Variants in DLGAP1 observed in about 807,000 individuals in gnomAD.
The protein encoded by DLGAP1 is DLG associated protein 1.
In DLGAP1, 11 loss-of-function variants were observed where a neutral mutation model predicts 90.8. The ratio of observed to expected loss-of-function variants is 0.12; its 90% confidence interval spans 0.08 to 0.20. The LOEUF (loss-of-function observed/expected upper bound fraction) is 0.20, where lower values mean the gene tolerates loss of function less well. Ranked by LOEUF, DLGAP1 falls within the 10% of genes least tolerant of loss-of-function variation. DLGAP1 has a pLI of 1.00. For missense variants in DLGAP1, 1,050 were observed against 1,333.8 expected (o/e 0.79, Z 3.31); for synonymous variants, 558 against 540.7 (o/e 1.03, Z -0.44).
intron 5 of DLGAP1, 97 bp from the exon 6 acceptor site, chr18:3,742,609 A>G (rs1453963540): frequency 1.3e-5 from 18 of 1,385,066 alleles, no homozygotes; most frequent in Non-Finnish European, 1.8e-5. Flanking sequence ...CACCCTAAAT[A>G]CTGGGACAAA....
intron 3 of DLGAP1, among the ~76,000 whole-genome samples, chr18:3,917,827 G>A (rs1041457977): frequency 6.8e-6 from 1 of 147,796 alleles, no homozygotes; most frequent in Admixed American, 7.0e-5. Context: ...GGGAGAGTCA[G>A]TACCTAGGGG....
chr18:3,584,253 C>T (rs892553647), intron 7 of DLGAP1, among the ~76,000 whole-genome samples: 4 of 152,040 alleles, frequency 2.6e-5, no homozygotes, highest in African/African-American at 9.7e-5. Context: ...CCATCATTTC[C>T]TCCCCACCCC....
chr18:3,902,912 A>G (rs2071814867), intron 3 of DLGAP1, among the ~76,000 whole-genome samples: 1 of 152,052 alleles, frequency 6.6e-6, no homozygotes, highest in Non-Finnish European at 1.5e-5. Flanking sequence ...TTTAAGACTC[A>G]TTCAAATCCT....
intron 3 of DLGAP1, among the ~76,000 whole-genome samples, chr18:3,989,659 T>C (rs1033684989): frequency 1.3e-5 from 2 of 152,230 alleles, no homozygotes; most frequent in Non-Finnish European, 2.9e-5. Flanking sequence ...AAAGAGCTTC[T>C]GCACAGCAAA....
intron 3 of DLGAP1, among the ~76,000 whole-genome samples, chr18:3,897,630 A>T (rs1468938763): frequency 6.6e-6 from 1 of 152,192 alleles, no homozygotes; most frequent in Non-Finnish European, 1.5e-5. Flanking sequence ...AATCTTTTAT[A>T]AACTCTTTGC....
chr18:4,437,098 T>C (rs556317393), intron 1 of DLGAP1, among the ~76,000 whole-genome samples: 86 of 152,290 alleles, frequency 5.6e-4, no homozygotes, highest in African/African-American at 2.0e-3. Flanking sequence ...GAAAATCCAA[T>C]AAAGTTTCTG....
At chr18:4,278,802 T>C (rs1237667142) in intron 1 of DLGAP1, among the ~76,000 whole-genome samples, 1 of 152,152 alleles carries the variant, frequency 6.6e-6, no homozygotes, top group Non-Finnish European at 1.5e-5. Flanking sequence ...CTTAGACTGA[T>C]ACCGTATCTT....
intron 4 of DLGAP1, among the ~76,000 whole-genome samples, chr18:3,843,050 C>A (rs1221708728): frequency 6.6e-6 from 1 of 152,162 alleles, no homozygotes; most frequent in Non-Finnish European, 1.5e-5. Context: ...GACTGTGGGC[C>A]ATCTGTACTG....
chr18:3,847,360 G>A (rs1168869755), intron 4 of DLGAP1, among the ~76,000 whole-genome samples: 2 of 152,152 alleles, frequency 1.3e-5, no homozygotes, highest in Admixed American at 6.6e-5. Context: ...AAGACTAGAA[G>A]GCTGCAGACG....
At chr18:4,275,677 G>A (rs559090463) in intron 1 of DLGAP1, among the ~76,000 whole-genome samples, 58 of 151,678 alleles carry the variant, frequency 3.8e-4, no homozygotes, top group Admixed American at 7.2e-4. Context: ...ATACTTATTG[G>A]GCACTTACTA....
intron 1 of DLGAP1, among the ~76,000 whole-genome samples, chr18:4,233,040 T>C (rs1393775427): frequency 6.6e-6 from 1 of 152,218 alleles, no homozygotes; most frequent in Non-Finnish European, 1.5e-5. Context: ...AAATGTTTTA[T>C]TTTAAAATTA....
chr18:3,704,346 G>A (rs984024221), intron 7 of DLGAP1, among the ~76,000 whole-genome samples: 5 of 152,166 alleles, frequency 3.3e-5, no homozygotes, highest in African/African-American at 1.2e-4. Context: ...CGAGGCAGGT[G>A]GATTACTTGA....
intron 2 of DLGAP1, among the ~76,000 whole-genome samples, chr18:4,133,011 TTC>T (rs1166274786): frequency 6.6e-6 from 1 of 152,148 alleles, no homozygotes; most frequent in Non-Finnish European, 1.5e-5. Flanking sequence ...GAGACTTACT[TTC>T]TTCATCTTTG....
chr18:3,917,376 T>C (rs1318979111), intron 3 of DLGAP1, among the ~76,000 whole-genome samples: 1 of 152,150 alleles, frequency 6.6e-6, no homozygotes, highest in Non-Finnish European at 1.5e-5. Context: ...CACCCATGGG[T>C]TACAAAGGGA....
chr18:3,998,178 G>A (rs1568342238), intron 3 of DLGAP1, among the ~76,000 whole-genome samples: 1 of 152,288 alleles, frequency 6.6e-6, no homozygotes, highest in Non-Finnish European at 1.5e-5. Flanking sequence ...ATTAGATGGA[G>A]TACTTTTATC....
intron 6 of DLGAP1, among the ~76,000 whole-genome samples, chr18:3,738,294 A>C (rs201967460): frequency 0.59 from 81,021 of 137,882 alleles, 26,094 homozygotes; most frequent in African/African-American, 0.87. Context: ...CATATGGAAC[A>C]AAAAAAGAGC....
At chr18:4,003,487 T>C (rs988329610) in intron 3 of DLGAP1, among the ~76,000 whole-genome samples, 15 of 151,446 alleles carry the variant, frequency 9.9e-5, no homozygotes, top group Non-Finnish European at 1.8e-4. Context: ...AAAGCATTTG[T>C]TGTTATTCCT....
chr18:4,114,301 G>C (rs922820707), intron 2 of DLGAP1, among the ~76,000 whole-genome samples: 1 of 151,856 alleles, frequency 6.6e-6, no homozygotes, highest in Non-Finnish European at 1.5e-5. Context: ...AGCTCTCCTT[G>C]TAGAGATCTT....
At chr18:3,781,910 T>C (rs918600972) in intron 5 of DLGAP1, among the ~76,000 whole-genome samples, 15 of 152,320 alleles carry the variant, frequency 9.8e-5, no homozygotes, top group African/African-American at 3.6e-4. Flanking sequence ...AGGTACAAGG[T>C]ACACACCGCT....
Sources: allele counts gnomAD v4.1 joint callset (sites outside exome capture counted in the v4.1 genomes callset), GRCh38; gene constraint gnomAD v4.1.1; transcripts MANE v1.5; gene names NCBI Gene and HGNC (gene_info 2026-07-23, HGNC 2026-07-21).